Variants in OSBPL6 observed in about 807,000 individuals in gnomAD.
The protein encoded by OSBPL6 is oxysterol-binding protein-related protein 6.
In OSBPL6, 49 loss-of-function variants were observed where a neutral mutation model predicts 125.8. The ratio of observed to expected loss-of-function variants is 0.39; its 90% confidence interval spans 0.31 to 0.49. The LOEUF is 0.49. Ranked by LOEUF, OSBPL6 falls within the 20% of genes least tolerant of loss-of-function variation. OSBPL6 has a pLI of 0.88. For synonymous variants in OSBPL6, 394 were observed against 391.8 expected, an observed-to-expected ratio of 1.01 and a Z score of -0.07; for missense variants, 986 against 1,135.4, an observed-to-expected ratio of 0.87 and a Z score of 1.89.
intron 1 of OSBPL6, among the ~76,000 whole-genome samples, chr2:178,264,272 T>A (rs2092159594): frequency 6.6e-6 from 1 of 152,238 alleles, no homozygotes; most frequent in South Asian, 2.1e-4. Context: ...ATTATCACAC[T>A]AACACTGGGT....
At chr2:178,253,173 C>G (rs2091760742) in intron 1 of OSBPL6, among the ~76,000 whole-genome samples, 2 of 152,112 alleles carry the variant, frequency 1.3e-5, no homozygotes, top group African/African-American at 4.8e-5. Flanking sequence ...AGGCGCCCAC[C>G]ACCAAGCCCA....
chr2:178,356,710 A>G (rs535832199), intron 12 of OSBPL6, among the ~76,000 whole-genome samples: 1 of 152,210 alleles, frequency 6.6e-6, no homozygotes, highest in Non-Finnish European at 1.5e-5. Context: ...GCTACCAATG[A>G]CTTTCTTCAC....
rs898851581 is a variant in OSBPL6, at chr2:178,396,210, C to G, written c.*651C>G. 22 of 161,758 alleles carry G rather than the reference C, an allele frequency of 1.4e-4. No homozygotes were observed. Among genetic ancestry groups the G allele is most frequent in the Admixed American group, 2.4e-4 (4 of 16,960 alleles). 10.0% of individuals were successfully genotyped at this position (161,758 alleles called of 1,614,324 possible). On this transcript the variant is annotated 3_prime_UTR_variant, in exon 25 of 25. Transcript: ENST00000190611. ...TTTGAATCATGGCATGATTCACTTT[C>G]TCAATCAGGACAATTATGAGACTAA...
At chr2:178,245,488 AGAG>A (rs1214223017) in intron 1 of OSBPL6, among the ~76,000 whole-genome samples, 1 of 152,208 alleles carries the variant, frequency 6.6e-6, no homozygotes, top group Non-Finnish European at 1.5e-5. Flanking sequence ...CCCTTCATTA[AGAG>A]GAGGCTGGTG....
chr2:178,342,024 C>A (rs892464662), intron 11 of OSBPL6, among the ~76,000 whole-genome samples: 1 of 152,104 alleles, frequency 6.6e-6, no homozygotes, highest in African/African-American at 2.4e-5. Context: ...ATTAAAGATA[C>A]CCACCACTTT....
In OSBPL6 at chr2:178,294,867, C is replaced by CT. The variant is rs35140268; in HGVS notation, c.-156+9762dup. Among the ~76,000 whole-genome samples, 1,145 of 133,690 alleles carry CT rather than the reference C, an allele frequency of 8.6e-3. 11 individuals carry two copies. Among genetic ancestry groups the CT allele is most frequent in the African/African-American group, 0.022 (784 of 36,036 alleles). The allele number at this position is 133,690 out of a possible 152,430, so 87.7% of individuals were successfully genotyped here. On this transcript the variant is annotated intron_variant, in intron 2 of 24. Transcript: ENST00000190611. ...AACATGTGCATTACCTCACCATTAG[C>CT]TTTTTTTTTTTTTTTTGTGGTGAGA...
intron 9 of OSBPL6, among the ~76,000 whole-genome samples, chr2:178,338,416 G>A (rs902461913): frequency 1.3e-5 from 2 of 152,096 alleles, no homozygotes; most frequent in Non-Finnish European, 2.9e-5. Flanking sequence ...TGATGTCCAG[G>A]TGATGATGAT....
In OSBPL6 at chr2:178,384,186, A is replaced by C; in HGVS notation, c.2013+10A>C. On this transcript the variant is annotated intron_variant, in intron 18 of 24. Coordinates refer to ENST00000190611, the MANE Select transcript of OSBPL6 (RefSeq NM_032523.4). ...CTTTTTCTCAGAACAGGTAAGCGCC[A>C]CTGGACTCAGTGAGGTTTCTATATA... 1.2e-6 allele frequency: 2 copies of C among 1,611,242 alleles called. No homozygotes were observed. The highest frequency in any genetic ancestry group is 1.7e-6 in the Non-Finnish European group (2 of 1,177,740).
intron 5 of OSBPL6, among the ~76,000 whole-genome samples, chr2:178,331,161 G>A (rs966627720): frequency 2.0e-4 from 30 of 152,172 alleles, no homozygotes; most frequent in African/African-American, 6.0e-4. Flanking sequence ...TTATATTCAC[G>A]GTGAAAAATT....
intron 1 of OSBPL6, among the ~76,000 whole-genome samples, chr2:178,219,513 A>G (rs1559128731): frequency 6.6e-6 from 1 of 152,182 alleles, no homozygotes; most frequent in Admixed American, 6.5e-5. Flanking sequence ...ATGAGAATCA[A>G]TGAGGAGCCA....
chr2:178,220,599 C>T lies in OSBPL6; in HGVS notation c.-351+25925C>T, dbSNP rs184284588. Among the ~76,000 whole-genome samples the T allele has an allele frequency of 2.0e-5, 3 of 152,260 alleles. No individual in the cohort carries two copies. The East Asian group carries it at 5.8e-4, about 29-fold the overall frequency. On this transcript the variant is annotated intron_variant, in intron 1 of 24. Transcript: ENST00000190611. ...GGGATTACAGGCATGAGCCACTGTG[C>T]CCAGCCAAAAAGTGAATAGTGTTCT...
Position 178,395,772 on chromosome 2 carries a change from T to TAAAAAA in OSBPL6, c.*236_*241dup, listed in dbSNP as rs746653123. 1.9e-3 allele frequency: 470 copies of TAAAAAA among 243,326 alleles called. 10 individuals are homozygous for TAAAAAA. Among genetic ancestry groups the TAAAAAA allele is most frequent in the Non-Finnish European group, 2.7e-3 (349 of 130,250 alleles). 15.1% of individuals were successfully genotyped at this position (243,326 alleles called of 1,614,324 possible). ...TCTGTTTTGCTGCAACCATATTCCTTAAAAAAAAAAAAAAAAAAAAAAAAA... is the reference window on the plus strand; with the variant it reads ...TCTGTTTTGCTGCAACCATATTCCTTAAAAAAAAAAAAAAAAAAAAAAAAAAAAAAA... On this transcript the variant is annotated 3_prime_UTR_variant, in exon 25 of 25. Coordinates refer to ENST00000190611, the MANE Select transcript of OSBPL6 (RefSeq NM_032523.4).
chr2:178,338,889 C>A (rs1689943436), intron 9 of OSBPL6, 102 bp from the exon 10 acceptor site: 2 of 716,280 alleles, frequency 2.8e-6, no homozygotes, highest in Non-Finnish European at 4.7e-6. Flanking sequence ...AAACATGGAT[C>A]TGCCTACTTA....
In OSBPL6 at chr2:178,399,507, A is replaced by G. The variant is rs1054349331; in HGVS notation, c.*3948A>G. The G allele has an allele frequency of 2.0e-5, 3 of 152,338 alleles. No individual in the cohort carries two copies. The highest frequency in any genetic ancestry group is 3.4e-3 in the Middle Eastern group (1 of 294). The allele number at this position is 152,338 out of a possible 1,614,324, so 9.4% of individuals were successfully genotyped here. A position where few individuals can be genotyped will look rare whatever the true frequency, so the allele number is the denominator to read the frequency against. On this transcript the variant is annotated 3_prime_UTR_variant, in exon 25 of 25. Transcript: ENST00000190611. The stretch of plus-strand genomic sequence containing the variant: ...AAGAAGATGGCAAATTATCTAAGAA[A>G]GACTTAGCTTTATTACGTCCAAAAT...
At chr2:178,298,042 T>A (rs957483708) in intron 2 of OSBPL6, among the ~76,000 whole-genome samples, 2 of 152,216 alleles carry the variant, frequency 1.3e-5, no homozygotes, top group Non-Finnish European at 2.9e-5. Flanking sequence ...CAGACCCTGA[T>A]AACCACCATT....
At chr2:178,310,573 G>A (rs1687181406) in intron 3 of OSBPL6, among the ~76,000 whole-genome samples, 1 of 151,510 alleles carries the variant, frequency 6.6e-6, no homozygotes, top group Admixed American at 6.6e-5. Context: ...GCCCGCCACC[G>A]CACCCGGCTA....
chr2:178,300,996 A>G (rs1474955811), intron 2 of OSBPL6, among the ~76,000 whole-genome samples: 1 of 152,136 alleles, frequency 6.6e-6, no homozygotes, highest in African/African-American at 2.4e-5. Flanking sequence ...ACAAAATGAT[A>G]TGGCAGGGGT....
Position 178,392,427 on chromosome 2 carries a change from A to T in OSBPL6, c.2462A>T (p.Asn821Ile). 6.2e-7 allele frequency: 1 copy of T among 1,614,048 alleles called. No homozygotes were observed. The highest frequency in any genetic ancestry group is 8.5e-7 in the Non-Finnish European group (1 of 1,179,918). The change falls in exon 23 of 25, where the codon AAC becomes ATC. Residue 821 changes from asparagine (N) to isoleucine (I), a missense_variant. This residue lies in a region of OSBPL6 where 843 missense variants were observed against 997.3 expected (regional missense o/e 0.85). Coordinates refer to ENST00000190611, the MANE Select transcript of OSBPL6 (RefSeq NM_032523.4). ...CIWRPGSMPT[N>I]YELYYGFTRF... The stretch of plus-strand genomic sequence containing the variant: ...CTCTTTCCAGGTTCCATGCCAACAA[A>T]CTATGAGCTGTACTATGGCTTCACA...
At chr2:178,341,801 A>T (rs1690224876) in intron 11 of OSBPL6, among the ~76,000 whole-genome samples, 2 of 152,154 alleles carry the variant, frequency 1.3e-5, no homozygotes. Flanking sequence ...GCTTGGTCCT[A>T]TCTGTGGACC....
Sources: gnomAD v4.1 joint callset for allele counts (sites outside exome capture counted in the v4.1 genomes callset) on GRCh38, gnomAD v4.1.1 for gene constraint, gnomAD v4.1.1 regional missense constraint, MANE v1.5 for transcripts, NCBI Gene and HGNC (gene_info 2026-07-23, HGNC 2026-07-21) for gene names.